Variants in SLC5A5 observed in about 807,000 individuals in gnomAD.
SLC5A5 encodes sodium/iodide cotransporter.
SLC5A5 carries 56 observed loss-of-function variants against 68.6 expected under a neutral mutation model. The observed-to-expected ratio is 0.82, with a 90% CI of 0.66 to 1.02. SLC5A5 has a LOEUF of 1.02. Ranked by LOEUF, SLC5A5 falls within the 50% of genes least tolerant of loss-of-function variation. The probability of loss-of-function intolerance (pLI) is 0.00; values close to 1 mark genes in which losing one functional copy is unlikely to be tolerated. For missense variants in SLC5A5, 807 were observed against 859.8 expected (o/e 0.94, Z 0.77); for synonymous variants, 398 against 373.0 (o/e 1.07, Z -0.77).
At position 17,893,703 on chromosome 19, in the gene SLC5A5, T is replaced by A. The variant is rs770323479; in HGVS notation, c.1768-10T>A. ...CTCTGATGGGGTCTCTTTTTCCCAC[T>A]TTTCCCCAGGGTCCTGAAGAACTCC... On this transcript the variant is annotated splice_polypyrimidine_tract_variant and intron_variant, in intron 14 of 14. Coordinates refer to ENST00000222248, the MANE Select transcript of SLC5A5 (RefSeq NM_000453.3). 1.2e-5 allele frequency: 20 copies of A among 1,612,708 alleles called. No homozygotes were observed. Among genetic ancestry groups the A allele is most frequent in the Middle Eastern group, 1.7e-4 (1 of 5,924 alleles).
intron 7 of SLC5A5, among the ~76,000 whole-genome samples, chr19:17,880,647 A>G (rs939363849): frequency 6.6e-6 from 1 of 152,214 alleles, no homozygotes; most frequent in Non-Finnish European, 1.5e-5. Context: ...AGTGAGCCAC[A>G]TTCATGGGAC....
chr19:17,872,464 A>G lies in SLC5A5; in HGVS notation c.145A>G (p.Thr49Ala). Reference protein sequence around the residue: ...GGQRSAEDFFTGGRRLAALPV... With the variant: ...GGQRSAEDFFAGGRRLAALPV... ...GCAGCGCAGCGCTGAGGACTTCTTC[A>G]CCGGGGGCCGGCGCCTGGCGGCCCT... Residue 49 changes from threonine (T) to alanine (A), a missense_variant, in exon 1 of 15, where the codon ACC becomes GCC. Transcript: ENST00000222248. The G allele has an allele frequency of 1.2e-6, 2 of 1,610,906 alleles. No individual in the cohort carries two copies. The highest frequency in any genetic ancestry group is 1.7e-6 in the Non-Finnish European group (2 of 1,179,096).
In SLC5A5 at chr19:17,894,020, A is replaced by G. The variant is rs1197482562; in HGVS notation, c.*143A>G. 1.2e-5 allele frequency: 10 copies of G among 812,082 alleles called. No individual in the cohort carries two copies. Among genetic ancestry groups the G allele is most frequent in the East Asian group, 8.1e-5 (3 of 37,218 alleles). 50.3% of individuals were successfully genotyped at this position (812,082 alleles called of 1,614,324 possible). On this transcript the variant is annotated 3_prime_UTR_variant, in exon 15 of 15. Coordinates refer to ENST00000222248, the MANE Select transcript of SLC5A5 (RefSeq NM_000453.3). ...GTTCAGGACTACAATACCCTACCCT[A>G]TGGGGAGGCCCTGCCTCCGGGAGGT...
chr19:17,873,739 G>A (rs2094299823), intron 1 of SLC5A5, among the ~76,000 whole-genome samples: 1 of 152,252 alleles, frequency 6.6e-6, no homozygotes, highest in South Asian at 2.1e-4. Flanking sequence ...CTGGGCGACA[G>A]AGCGAGACTC....
intron 6 of SLC5A5, 48 bp downstream of exon 6, chr19:17,877,911 C>A: frequency 1.9e-6 from 3 of 1,613,944 alleles, no homozygotes; most frequent in East Asian, 4.5e-5. Context: ...CATGCTGCCC[C>A]CCTCCACCAG....
intron 14 of SLC5A5, among the ~76,000 whole-genome samples, chr19:17,893,029 GTTC>G (rs539924168): frequency 3.2e-4 from 38 of 120,344 alleles, no homozygotes; most frequent in Admixed American, 6.3e-4. Context: ...CTCTTTTTTT[GTTC>G]TTTATTATTT....
intron 5 of SLC5A5, 101 bp downstream of exon 5, chr19:17,876,207 A>T (rs1358627283): frequency 8.0e-7 from 1 of 1,250,130 alleles, no homozygotes; most frequent in Non-Finnish European, 1.2e-6. Flanking sequence ...AGGCGGGCAG[A>T]TCACTTGAGC....
At chr19:17,888,503 C>G in intron 13 of SLC5A5, 48 bp downstream of exon 13, 7 of 1,608,620 alleles carry the variant, frequency 4.4e-6, no homozygotes, top group Non-Finnish European at 5.9e-6. Context: ...ATTCATCTCT[C>G]TGCCTCAAGG....
At chr19:17,891,364 C>T (rs892005944) in intron 14 of SLC5A5, among the ~76,000 whole-genome samples, 3 of 152,044 alleles carry the variant, frequency 2.0e-5, no homozygotes, top group Admixed American at 6.6e-5. Context: ...TGCCACCGCA[C>T]CCAGCTAATT....
chr19:17,890,534 G>T (rs1028539775), intron 13 of SLC5A5, among the ~76,000 whole-genome samples: 1 of 152,126 alleles, frequency 6.6e-6, no homozygotes, highest in Admixed American at 6.6e-5. Context: ...TGAGACTAGA[G>T]GCACACACCA....
chr19:17,894,481 CA>C lies in SLC5A5; in HGVS notation c.*605del, dbSNP rs760518236. 18 of 152,648 alleles carry C rather than the reference CA, an allele frequency of 1.2e-4. No homozygotes were observed. The highest frequency in any genetic ancestry group is 2.0e-4 in the Non-Finnish European group (14 of 68,380). The allele number at this position is 152,648 out of a possible 1,614,324, so 9.5% of individuals were successfully genotyped here. ...TTCTCAATCTATAATAGAAAGCCAC[CA>C]CGCCCAGGTAATTTTTGTAATTTTG... is the stretch of plus-strand genomic sequence containing the variant. On this transcript the variant is annotated 3_prime_UTR_variant, in exon 15 of 15. Coordinates refer to ENST00000222248, the MANE Select transcript of SLC5A5 (RefSeq NM_000453.3).
At chr19:17,888,484 G>A (rs527426644) in intron 13 of SLC5A5, 29 bp downstream of exon 13, 3 of 1,612,556 alleles carry the variant, frequency 1.9e-6, no homozygotes, top group South Asian at 1.1e-5. Context: ...TGGCCTCAGA[G>A]GTCATCCCAT....
At chr19:17,891,494 C>G (rs113296472) in intron 14 of SLC5A5, among the ~76,000 whole-genome samples, 2,093 of 152,172 alleles carry the variant, frequency 0.014, 42 homozygotes, top group African/African-American at 0.046. Flanking sequence ...GCATGAGCCA[C>G]CGAGCCCAGC....
At chr19:17,880,823 G>T in intron 7 of SLC5A5, 42 bp from the exon 8 acceptor site, 1 of 1,456,384 alleles carries the variant, frequency 6.9e-7, no homozygotes, top group South Asian at 1.1e-5. Context: ...CCCGGTCCTC[G>T]GGGTGCAGCT....
chr19:17,877,703 CTT>C lies in SLC5A5; in HGVS notation c.699-19_699-18del. 1 of 1,613,806 alleles carries C rather than the reference CTT, an allele frequency of 6.2e-7. No homozygotes were observed. The highest frequency in any genetic ancestry group is 8.5e-7 in the Non-Finnish European group (1 of 1,179,966). On this transcript the variant is annotated intron_variant, in intron 5 of 14. Coordinates refer to ENST00000222248, the MANE Select transcript of SLC5A5 (RefSeq NM_000453.3). ...CAGCGTGACATCTCCACGTGGCTAA[CTT>C]GCCCTGTCCCCACCCAGCTTTAACC...
intron 7 of SLC5A5, among the ~76,000 whole-genome samples, chr19:17,878,744 G>A (rs1268860660): frequency 6.6e-6 from 1 of 152,056 alleles, no homozygotes; most frequent in Non-Finnish European, 1.5e-5. Context: ...TGGAGGCCGA[G>A]ACAGGCAGAT....
chr19:17,882,207 A>G lies in SLC5A5; in HGVS notation c.1230A>G (p.Gly410=). Residue 410 remains glycine (G), a synonymous_variant, in exon 10 of 15, where the codon GGA becomes GGG. Coordinates refer to ENST00000222248, the MANE Select transcript of SLC5A5 (RefSeq NM_000453.3). ...TVAALSSLLG[G]GVLQGSFTVM... is the part of the protein sequence containing the mutation. The stretch of plus-strand genomic sequence containing the variant: ...CAGCCCTGTCCTCACTGCTCGGAGG[A>G]GGTGTCCTTCAGGTGAGACCCCACC... The G allele has an allele frequency of 1.9e-6, 3 of 1,613,720 alleles. No individual in the cohort carries two copies. Among genetic ancestry groups the G allele is most frequent in the Non-Finnish European group, 1.7e-6 (2 of 1,179,928 alleles).
Position 17,883,711 on chromosome 19 carries a change from G to A in SLC5A5, c.1273G>A (p.Gly425Ser), listed in dbSNP as rs1191784651. The change falls in exon 11 of 15, where the codon GGC becomes AGC. Residue 425 changes from glycine (G) to serine (S), a missense_variant. Transcript: ENST00000222248. ...CTTCACCGTCATGGGAGTCATCAGC[G>A]GCCCCCTGCTGGGAGCCTTCATCTT... ...GSFTVMGVISGPLLGAFILGM... is the reference protein window; with the variant it reads ...GSFTVMGVISSPLLGAFILGM... 2 of 1,612,768 alleles carry A rather than the reference G, an allele frequency of 1.2e-6. No individual in the cohort carries two copies. The highest frequency in any genetic ancestry group is 8.5e-7 in the Non-Finnish European group (1 of 1,179,560).
intron 4 of SLC5A5, 130 bp downstream of exon 4, chr19:17,874,861 T>A (rs975848288): frequency 1.2e-6 from 1 of 839,818 alleles, no homozygotes; most frequent in Admixed American, 2.1e-5. Flanking sequence ...TCCTCATCTT[T>A]ATAGTGAAAA....
Sources: allele counts gnomAD v4.1 joint callset (sites outside exome capture counted in the v4.1 genomes callset), GRCh38; gene constraint gnomAD v4.1.1; transcripts MANE v1.5; gene names NCBI Gene and HGNC (gene_info 2026-07-23, HGNC 2026-07-21).